Variants in LRCH3 observed in about 807,000 individuals in gnomAD.
LRCH3 encodes DISP complex protein LRCH3.
LRCH3 carries 68 observed loss-of-function variants against 104.5 expected under a neutral mutation model. The ratio of observed to expected loss-of-function variants is 0.65; its 90% confidence interval spans 0.54 to 0.80. LRCH3 has a LOEUF of 0.80. Among genes scored for constraint, LRCH3 ranks in the 30% least tolerant of loss-of-function variants. The pLI is 0.00. For missense variants in LRCH3, 951 were observed against 953.9 expected (o/e 1.00, Z 0.04); for synonymous variants, 344 against 361.3 (o/e 0.95, Z 0.54).
chr3:197,828,421 C>T (rs1192730473), intron 5 of LRCH3, among the ~76,000 whole-genome samples: 2 of 152,048 alleles, frequency 1.3e-5, no homozygotes, highest in African/African-American at 4.8e-5. Context: ...TCTCGGCTCT[C>T]TGCAAGCTCC....
intron 1 of LRCH3, among the ~76,000 whole-genome samples, chr3:197,803,947 C>A (rs1473697582): frequency 2.0e-5 from 3 of 152,030 alleles, no homozygotes; most frequent in African/African-American, 4.8e-5. Context: ...TGAATACTTT[C>A]AACATCAGTC....
At chr3:197,857,041 GT>G (rs879299235) in intron 14 of LRCH3, among the ~76,000 whole-genome samples, 35 of 151,568 alleles carry the variant, frequency 2.3e-4, no homozygotes, top group Admixed American at 3.3e-4. Context: ...ATTAATATCA[GT>G]TTACACTGAC....
At chr3:197,828,376 CGCTCT>C (rs1735479522) in intron 5 of LRCH3, among the ~76,000 whole-genome samples, 1 of 151,970 alleles carries the variant, frequency 6.6e-6, no homozygotes, top group South Asian at 2.1e-4. Context: ...GAAGGAGTCT[CGCTCT>C]GTTGCCCAGG....
In LRCH3 at chr3:197,792,577, TTATATATA is replaced by T. The variant is rs11420466; in HGVS notation, c.262+1058_262+1065del. ...CAGCCGCCACCACGCCCAGCTAATT[TTATATATA>T]TATATATATATATATATATAAAATA... On this transcript the variant is annotated intron_variant, in intron 1 of 20. Coordinates refer to ENST00000425562, the MANE Select transcript of LRCH3 (RefSeq NM_001365715.1). Among the ~76,000 whole-genome samples the T allele has an allele frequency of 2.7e-3, 54 of 20,346 alleles. 13 individuals are homozygous for T. Among genetic ancestry groups the T allele is most frequent in the South Asian group, 0.011 (5 of 456 alleles). The allele number at this position is 20,346 out of a possible 152,430, so 13.3% of individuals were successfully genotyped here.
At chr3:197,837,554 G>A (rs1281199733) in intron 9 of LRCH3, among the ~76,000 whole-genome samples, 2 of 151,934 alleles carry the variant, frequency 1.3e-5, no homozygotes, top group African/African-American at 2.4e-5. Flanking sequence ...ATCTAAAAAT[G>A]GAATGTTAAA....
chr3:197,815,992 C>T (rs1045601144), intron 2 of LRCH3, among the ~76,000 whole-genome samples: 5 of 152,048 alleles, frequency 3.3e-5, no homozygotes, highest in African/African-American at 1.2e-4. Context: ...TTTTGTTGTA[C>T]AGTTTATATA....
intron 15 of LRCH3, among the ~76,000 whole-genome samples, chr3:197,862,429 C>T (rs575972464): frequency 6.6e-6 from 1 of 152,218 alleles, no homozygotes; most frequent in African/African-American, 2.4e-5. Flanking sequence ...AGTCTATGTC[C>T]TGTTAATAGG....
intron 10 of LRCH3, among the ~76,000 whole-genome samples, chr3:197,841,688 C>T (rs962504798): frequency 6.6e-6 from 1 of 152,138 alleles, no homozygotes; most frequent in Non-Finnish European, 1.5e-5. Context: ...ATTTTCATGG[C>T]ACCTTAGCAA....
rs560940404 is a variant in LRCH3 at position 197,851,128 on chromosome 3, GCA to G, written c.1531-1430_1531-1429del. 3.1e-3 allele frequency among the ~76,000 whole-genome samples: 471 copies of G among 152,294 alleles called. 2 individuals carry two copies. Among genetic ancestry groups the G allele is most frequent in the Non-Finnish European group, 4.4e-3 (296 of 68,024 alleles). ...GTTGGCTCTGAAGCCTATTCTGTGA[GCA>G]CAGTCTATGCTGCCTCTCGGTAATA... On this transcript the variant is annotated intron_variant, in intron 12 of 20. Transcript: ENST00000425562.
intron 20 of LRCH3, among the ~76,000 whole-genome samples, chr3:197,880,236 C>T (rs909605090): frequency 1.1e-4 from 17 of 151,842 alleles, no homozygotes; most frequent in Middle Eastern, 3.4e-3. Context: ...TGAGCCACCG[C>T]GCCCGGCCTG....
At chr3:197,860,580 G>A (rs1265935930) in intron 15 of LRCH3, among the ~76,000 whole-genome samples, 2 of 151,050 alleles carry the variant, frequency 1.3e-5, no homozygotes, top group Admixed American at 6.6e-5. Flanking sequence ...CATTAAAACC[G>A]AATTCTTGTA....
At chr3:197,879,972 G>C (rs749802286) in intron 20 of LRCH3, among the ~76,000 whole-genome samples, 2 of 148,902 alleles carry the variant, frequency 1.3e-5, no homozygotes, top group Middle Eastern at 3.2e-3. Flanking sequence ...TTGAGACGGA[G>C]TCTCGCTCTG....
At chr3:197,877,507 CCAACTCACCGCACCCATGG>C (rs1713024970) in intron 20 of LRCH3, among the ~76,000 whole-genome samples, 2 of 136,684 alleles carry the variant, frequency 1.5e-5, no homozygotes, top group Admixed American at 7.3e-5. Context: ...TTCTCTTTAC[CCAACTCACCGCACCCATGG>C]CAGTGATTCT....
At chr3:197,812,625 G>GT (rs1733309762) in intron 1 of LRCH3, among the ~76,000 whole-genome samples, 1 of 148,274 alleles carries the variant, frequency 6.7e-6, no homozygotes, top group Non-Finnish European at 1.5e-5. Context: ...TCTGTTTTTA[G>GT]TTTTTTGAGA....
intron 10 of LRCH3, among the ~76,000 whole-genome samples, chr3:197,843,499 A>G (rs893711149): frequency 1.1e-4 from 16 of 152,178 alleles, no homozygotes; most frequent in African/African-American, 3.9e-4. Flanking sequence ...CCTGGCCAAC[A>G]TGGCAAAACC....
intron 4 of LRCH3, among the ~76,000 whole-genome samples, chr3:197,824,361 C>CAT (rs1553917789): frequency 7.3e-6 from 1 of 137,842 alleles, no homozygotes; most frequent in African/African-American, 2.7e-5. Context: ...CCACGCCCGG[C>CAT]TTTTTTTTTT....
At chr3:197,816,891 T>C (rs1413063969) in intron 2 of LRCH3, among the ~76,000 whole-genome samples, 1 of 152,152 alleles carries the variant, frequency 6.6e-6, no homozygotes, top group Non-Finnish European at 1.5e-5. Flanking sequence ...TACCTCATTA[T>C]TTACAAAGGA....
At chr3:197,838,409 C>G (rs546065317) in intron 9 of LRCH3, among the ~76,000 whole-genome samples, 1 of 152,172 alleles carries the variant, frequency 6.6e-6, no homozygotes, top group Non-Finnish European at 1.5e-5. Flanking sequence ...CCAAAAGTTT[C>G]TAATGATGTG....
At chr3:197,870,128 C>T (rs1560599352) in intron 17 of LRCH3, 32 bp from the exon 18 acceptor site, 15 of 1,604,858 alleles carry the variant, frequency 9.3e-6, no homozygotes, top group Non-Finnish European at 1.3e-5. Flanking sequence ...CTGCCAGTTG[C>T]CTTTCTGTCT....
Sources: allele counts gnomAD v4.1 joint callset (sites outside exome capture counted in the v4.1 genomes callset), GRCh38; gene constraint gnomAD v4.1.1; transcripts MANE v1.5; gene names NCBI Gene and HGNC (gene_info 2026-07-23, HGNC 2026-07-21).